The following THSD7B variants were observed in gnomAD, a reference collection of about 807,000 sequenced individuals.
THSD7B encodes the protein thrombospondin type-1 domain-containing protein 7B.
Under a neutral mutation model 213.6 loss-of-function variants are expected in THSD7B, and 138 were observed. That is an observed-to-expected ratio of 0.65 (90% CI 0.56 to 0.74). The LOEUF (loss-of-function observed/expected upper bound fraction) is 0.74, where lower values mean the gene tolerates loss of function less well. Among genes scored for constraint, THSD7B ranks in the 30% least tolerant of loss-of-function variants. The pLI is 0.00. For missense variants in THSD7B, 1,931 were observed against 1,991.5 expected, an observed-to-expected ratio of 0.97 and a Z score of 0.58; for synonymous variants, 742 against 687.0, an observed-to-expected ratio of 1.08 and a Z score of -1.25.
intron 17 of THSD7B, among the ~76,000 whole-genome samples, chr2:137,590,791 A>ATTTTTTTTTTTTTTTTTT (rs1573730097): frequency 4.1e-5 from 4 of 96,934 alleles, no homozygotes; most frequent in South Asian, 4.0e-4. Flanking sequence ...GCTTTGAAAT[A>ATTTTTTTTTTTTTTTTTT]GTTTTTTTTT....
At chr2:136,977,826 C>T (rs1415528291) in intron 2 of THSD7B, among the ~76,000 whole-genome samples, 12 of 85,016 alleles carry the variant, frequency 1.4e-4, no homozygotes, top group Non-Finnish European at 2.2e-4. Flanking sequence ...TTTTTTTAAA[C>T]GGAGTCTTGC....
intron 1 of THSD7B, among the ~76,000 whole-genome samples, chr2:136,802,599 A>G (rs1164005567): frequency 7.2e-6 from 1 of 138,986 alleles, no homozygotes; most frequent in Non-Finnish European, 1.5e-5. Context: ...CATGTGTACT[A>G]TTGATTATAA....
At chr2:137,509,444 G>A (rs1573674151) in intron 15 of THSD7B, among the ~76,000 whole-genome samples, 2 of 151,218 alleles carry the variant, frequency 1.3e-5, no homozygotes, top group East Asian at 3.9e-4. Flanking sequence ...TATACAGCAA[G>A]ATATCTGTTT....
At chr2:137,113,948 T>C (rs1406367352) in intron 4 of THSD7B, among the ~76,000 whole-genome samples, 1 of 152,234 alleles carries the variant, frequency 6.6e-6, no homozygotes, top group Non-Finnish European at 1.5e-5. Flanking sequence ...ACAAGACTAA[T>C]GATTCTCAGC....
intron 20 of THSD7B, among the ~76,000 whole-genome samples, chr2:137,621,785 G>A (rs891870925): frequency 6.6e-6 from 1 of 152,296 alleles, no homozygotes; most frequent in Non-Finnish European, 1.5e-5. Context: ...AACACCTGAG[G>A]CTGGTTAATT....
chr2:137,080,405 G>C (rs537436795), intron 3 of THSD7B, among the ~76,000 whole-genome samples: 6 of 119,312 alleles, frequency 5.0e-5, no homozygotes, highest in Non-Finnish European at 1.1e-4. Flanking sequence ...ATAGAGACAG[G>C]GTTTCACCAT....
At chr2:137,281,028 T>G (rs560426587) in intron 12 of THSD7B, among the ~76,000 whole-genome samples, 3 of 152,300 alleles carry the variant, frequency 2.0e-5, no homozygotes, top group Non-Finnish European at 4.4e-5. Flanking sequence ...TATGGCACTG[T>G]AATGGATACA....
chr2:137,043,329 A>G (rs941664555), intron 2 of THSD7B, among the ~76,000 whole-genome samples: 1 of 151,970 alleles, frequency 6.6e-6, no homozygotes, highest in Non-Finnish European at 1.5e-5. Context: ...CTTTTTCCTG[A>G]TAGGCTGGCT....
At chr2:137,060,404 T>TTG (rs932170578) in intron 3 of THSD7B, among the ~76,000 whole-genome samples, 1 of 151,976 alleles carries the variant, frequency 6.6e-6, no homozygotes, top group African/African-American at 2.4e-5. Context: ...AGGATCTTTT[T>TTG]TTTTTGGTGT....
chr2:136,770,046 G>A (rs1681477051), intron 1 of THSD7B, among the ~76,000 whole-genome samples: 2 of 152,150 alleles, frequency 1.3e-5, no homozygotes, highest in Admixed American at 1.3e-4. Flanking sequence ...TGTTCCACTT[G>A]CCTGCATGAG....
chr2:136,885,950 A>C (rs1683709754), intron 2 of THSD7B, among the ~76,000 whole-genome samples: 1 of 152,134 alleles, frequency 6.6e-6, no homozygotes, highest in South Asian at 2.1e-4. Flanking sequence ...GAGCTGCCTG[A>C]GGAAGTGAAT....
At chr2:137,453,496 A>G (rs932590099) in intron 15 of THSD7B, among the ~76,000 whole-genome samples, 1 of 151,412 alleles carries the variant, frequency 6.6e-6, no homozygotes, top group African/African-American at 2.4e-5. Flanking sequence ...CGCCCGGCTA[A>G]TTTTTTGTAT....
intron 1 of THSD7B, among the ~76,000 whole-genome samples, chr2:136,874,647 C>T (rs555056930): frequency 1.8e-4 from 27 of 152,268 alleles, no homozygotes; most frequent in South Asian, 1.7e-3. Context: ...AAATGAAATG[C>T]GTATGAAGTG....
chr2:137,640,491 C>T (rs1682919463), intron 20 of THSD7B, among the ~76,000 whole-genome samples: 1 of 152,210 alleles, frequency 6.6e-6, no homozygotes, highest in African/African-American at 2.4e-5. Flanking sequence ...TCTTAGCTGT[C>T]TTGCTCATGT....
intron 2 of THSD7B, among the ~76,000 whole-genome samples, chr2:136,920,002 A>G (rs2105033205): frequency 6.6e-6 from 1 of 152,322 alleles, no homozygotes; most frequent in Middle Eastern, 3.4e-3. Context: ...CCCAAAGAGG[A>G]TGTCACAGCC....
chr2:137,014,826 A>G (rs536041526), intron 2 of THSD7B, among the ~76,000 whole-genome samples: 1 of 152,102 alleles, frequency 6.6e-6, no homozygotes, highest in Admixed American at 6.6e-5. Context: ...GTCCAACTAG[A>G]CATCTTCAAT....
chr2:137,126,832 G>A (rs146899758), intron 5 of THSD7B, among the ~76,000 whole-genome samples: 1 of 152,096 alleles, frequency 6.6e-6, no homozygotes, highest in African/African-American at 2.4e-5. Context: ...TGAACATGTA[G>A]AAGTCATGGT....
intron 12 of THSD7B, 64 bp downstream of exon 12, chr2:137,276,090 G>A (rs925260143): frequency 1.7e-6 from 2 of 1,160,222 alleles, no homozygotes; most frequent in Non-Finnish European, 1.2e-6. Flanking sequence ...TAACTCATAT[G>A]TGTTGCTTAC....
intron 12 of THSD7B, among the ~76,000 whole-genome samples, chr2:137,322,949 C>G (rs1684292306): frequency 6.6e-6 from 1 of 152,166 alleles, no homozygotes; most frequent in Non-Finnish European, 1.5e-5. Context: ...ATTTCCACAG[C>G]TTTTGTAAAG....
Sources: gnomAD v4.1 joint callset for allele counts (sites outside exome capture counted in the v4.1 genomes callset) on GRCh38, gnomAD v4.1.1 for gene constraint, MANE v1.5 for transcripts, NCBI Gene and HGNC (gene_info 2026-07-23, HGNC 2026-07-21) for gene names.